The following TSHZ3 variants were observed in gnomAD, a reference collection of about 807,000 sequenced individuals.
The protein encoded by TSHZ3 is teashirt zinc finger homeobox 3.
A neutral mutation model predicts 64.5 loss-of-function variants in TSHZ3; 10 were observed. The ratio of observed to expected loss-of-function variants is 0.16; its 90% CI spans 0.10 to 0.26. TSHZ3 has a LOEUF of 0.26. Ranked by LOEUF, TSHZ3 falls within the 10% of genes least tolerant of loss-of-function variation. The pLI, the probability that TSHZ3 is intolerant of heterozygous loss-of-function variation, is 1.00. For synonymous variants in TSHZ3, 608 were observed against 593.1 expected (o/e 1.03, Z -0.36); for missense variants, 1,242 against 1,421.7 (o/e 0.87, Z 2.03).
intron 1 of TSHZ3, among the ~76,000 whole-genome samples, chr19:31,243,308 T>A (rs1236305706): frequency 6.6e-6 from 1 of 152,216 alleles, no homozygotes; most frequent in African/African-American, 2.4e-5. Context: ...CACAATTCCA[T>A]GCTTGGTCCC....
At chr19:31,173,565 T>G (rs1427516274) in intron 5 of TSHZ3, among the ~76,000 whole-genome samples, 1 of 152,156 alleles carries the variant, frequency 6.6e-6, no homozygotes, top group African/African-American at 2.4e-5. Flanking sequence ...GTATTTTACT[T>G]CTGTCTGTTT....
At chr19:31,334,062 C>A (rs1239891148) in intron 1 of TSHZ3, among the ~76,000 whole-genome samples, 2 of 152,124 alleles carry the variant, frequency 1.3e-5, no homozygotes, top group East Asian at 1.9e-4. Context: ...CTCTAAGAAC[C>A]AAGAACATGC....
At chr19:31,183,409 T>C (rs2145129389) in intron 5 of TSHZ3, among the ~76,000 whole-genome samples, 1 of 152,298 alleles carries the variant, frequency 6.6e-6, no homozygotes, top group East Asian at 1.9e-4. Context: ...AAAAATGGCA[T>C]TCTGAGGCTC....
chr19:31,328,102 A>T (rs1166501792), intron 1 of TSHZ3, among the ~76,000 whole-genome samples: 2 of 152,272 alleles, frequency 1.3e-5, no homozygotes, highest in Non-Finnish European at 2.9e-5. Flanking sequence ...TGGGCAAAAC[A>T]TCAAGAATAA....
intron 3 of TSHZ3, among the ~76,000 whole-genome samples, chr19:31,240,048 T>C (rs930354085): frequency 7.2e-5 from 11 of 152,310 alleles, no homozygotes; most frequent in African/African-American, 2.6e-4. Flanking sequence ...CTTAGATTTT[T>C]GGTTTTGTTT....
chr19:31,163,198 T>C (rs988128125), intron 5 of TSHZ3, among the ~76,000 whole-genome samples: 1 of 152,082 alleles, frequency 6.6e-6, no homozygotes. Flanking sequence ...GTCTGAAATA[T>C]GGGTGCACAT....
intron 1 of TSHZ3, among the ~76,000 whole-genome samples, chr19:31,283,948 A>G (rs1976410466): frequency 6.6e-6 from 1 of 152,140 alleles, no homozygotes; most frequent in South Asian, 2.1e-4. Context: ...GGCTGTCGAG[A>G]ACCTGGTCCC....
chr19:31,341,181 GA>G (rs2145196833), intron 1 of TSHZ3, among the ~76,000 whole-genome samples: 1 of 152,352 alleles, frequency 6.6e-6, no homozygotes, highest in South Asian at 2.1e-4. Context: ...ACACTAGTTT[GA>G]CTCTAGGATC....
intron 1 of TSHZ3, among the ~76,000 whole-genome samples, chr19:31,339,111 A>T (rs543210697): frequency 3.3e-5 from 5 of 152,226 alleles, no homozygotes; most frequent in African/African-American, 1.2e-4. Context: ...AATCATGTGA[A>T]GTCAGGAGCC....
chr19:31,254,599 G>A (rs567079497), intron 1 of TSHZ3, among the ~76,000 whole-genome samples: 13 of 152,284 alleles, frequency 8.5e-5, no homozygotes, highest in Admixed American at 7.2e-4. Context: ...AACAGATACC[G>A]TTCAATGCGG....
chr19:31,350,544 T>A (rs531789008), upstream of TSHZ3, among the ~76,000 whole-genome samples: 8 of 149,678 alleles, frequency 5.3e-5, no homozygotes, highest in East Asian at 1.5e-3. Flanking sequence ...CCCGAGAGCC[T>A]AGGGGGCCGC....
intron 4 of TSHZ3, among the ~76,000 whole-genome samples, chr19:31,211,950 A>G (rs972928244): frequency 3.3e-5 from 5 of 152,142 alleles, no homozygotes; most frequent in South Asian, 2.1e-4. Context: ...TCCAGGGTAG[A>G]TGCTTGGAGG....
intron 1 of TSHZ3, among the ~76,000 whole-genome samples, chr19:31,333,106 CAATAAATAAATAAATA>C (rs10585080): frequency 1.2e-3 from 163 of 137,902 alleles, no homozygotes; most frequent in Non-Finnish European, 1.7e-3. Flanking sequence ...TCCTGTCTCA[CAATAAATAAATAAATA>C]AATAAATAAA....
intron 1 of TSHZ3, among the ~76,000 whole-genome samples, chr19:31,248,748 C>A (rs1975792688): frequency 6.7e-6 from 1 of 148,754 alleles, no homozygotes; most frequent in Non-Finnish European, 1.5e-5. Context: ...CATGATCGCA[C>A]CACTGCACTC....
intron 4 of TSHZ3, among the ~76,000 whole-genome samples, chr19:31,209,726 T>C (rs928899623): frequency 2.0e-5 from 3 of 152,088 alleles, no homozygotes; most frequent in Non-Finnish European, 4.4e-5. Flanking sequence ...AGCCCTGACA[T>C]GAATGGGGCT....
At chr19:31,330,891 C>T (rs948848678) in intron 1 of TSHZ3, among the ~76,000 whole-genome samples, 1 of 152,006 alleles carries the variant, frequency 6.6e-6, no homozygotes, top group Admixed American at 6.6e-5. Context: ...ATTGACATGC[C>T]CAAAAACTGA....
chr19:31,168,998 C>T (rs976334353), intron 5 of TSHZ3, among the ~76,000 whole-genome samples: 3 of 151,882 alleles, frequency 2.0e-5, no homozygotes, highest in Admixed American at 6.6e-5. Flanking sequence ...AAAATTAGCC[C>T]CACAAAGAAA....
At chr19:31,205,687 C>T (rs1022566755) in intron 4 of TSHZ3, among the ~76,000 whole-genome samples, 3 of 152,176 alleles carry the variant, frequency 2.0e-5, no homozygotes, top group African/African-American at 7.2e-5. Flanking sequence ...ACTGCCCGAC[C>T]CTCCATCTGG....
At chr19:31,195,353 A>G (rs1974970956) in intron 5 of TSHZ3, among the ~76,000 whole-genome samples, 1 of 152,146 alleles carries the variant, frequency 6.6e-6, no homozygotes. Context: ...AGCCATAGGG[A>G]AAAACACCTT....
Sources: gnomAD v4.1 joint callset for allele counts (sites outside exome capture counted in the v4.1 genomes callset) on GRCh38, gnomAD v4.1.1 for gene constraint, MANE v1.5 for transcripts, NCBI Gene and HGNC (gene_info 2026-07-23, HGNC 2026-07-21) for gene names.